The following BFAR variants were observed in gnomAD, a reference collection of about 807,000 sequenced individuals.
BFAR encodes bifunctional apoptosis regulator.
A neutral mutation model predicts 54.4 loss-of-function variants in BFAR; 52 were observed. The ratio of observed to expected loss-of-function variants is 0.96; its 90% CI spans 0.77 to 1.21. The LOEUF (loss-of-function observed/expected upper bound fraction) is 1.21. Ranked by LOEUF, BFAR falls within the 50% of genes most tolerant of loss-of-function variation. The pLI is 0.00. For missense variants in BFAR, 571 were observed against 534.0 expected (o/e 1.07, Z -0.68); for synonymous variants, 215 against 204.3 (o/e 1.05, Z -0.45).
In BFAR at chr16:14,639,778, T is replaced by C. The variant is rs1197952206; in HGVS notation, c.-73-4496T>C. Among the ~76,000 whole-genome samples the C allele has an allele frequency of 2.6e-5, 4 of 152,194 alleles. No homozygotes were observed. In the South Asian group the frequency reaches 6.2e-4, roughly 24 times the overall value. ...GTCATGTTGATTATATATCTTGGAA[T>C]TGTCCAGATCCTCAGAGATTATGAT... On this transcript the variant is annotated intron_variant, in intron 1 of 7. Transcript: ENST00000261658.
At chr16:14,649,045 T>G (rs1301100169) in intron 3 of BFAR, among the ~76,000 whole-genome samples, 2 of 151,744 alleles carry the variant, frequency 1.3e-5, no homozygotes, top group East Asian at 3.9e-4. Context: ...AATGTGTGAA[T>G]TTTATGTGGA....
chr16:14,634,948 G>A (rs986479342), intron 1 of BFAR, among the ~76,000 whole-genome samples: 2 of 152,208 alleles, frequency 1.3e-5, no homozygotes, highest in Non-Finnish European at 2.9e-5. Context: ...ACTTTCAAGT[G>A]ACAGTTGATT....
Position 14,649,894 on chromosome 16 carries a change from G to C in BFAR, c.559G>C (p.Val187Leu). 6.2e-7 allele frequency: 1 copy of C among 1,613,806 alleles called. No homozygotes were observed. Among genetic ancestry groups the C allele is most frequent in the Admixed American group, 1.7e-5 (1 of 59,970 alleles). The change falls in exon 4 of 8, where the codon GTT (valine) becomes CTT (leucine). Residue 187 changes from valine (V) to leucine (L), a missense_variant. Transcript: ENST00000261658. ...TGTGGCCAAATGGACGGCGGAAGAA[G>C]TTGTCCTCTGGCTGGAGCAGCTGGG... Reference protein sequence around the residue: ...KAVAKWTAEEVVLWLEQLGPW... With the variant: ...KAVAKWTAEELVLWLEQLGPW...
At chr16:14,635,876 C>T (rs538492158) in intron 1 of BFAR, among the ~76,000 whole-genome samples, 8 of 152,036 alleles carry the variant, frequency 5.3e-5, no homozygotes, top group Non-Finnish European at 1.0e-4. Context: ...TTGATCCACC[C>T]GCCTCGGCCT....
chr16:14,648,226 T>C (rs145500546), intron 2 of BFAR, among the ~76,000 whole-genome samples, 162 bp from the exon 3 acceptor site: 5 of 152,284 alleles, frequency 3.3e-5, no homozygotes, highest in African/African-American at 1.2e-4. Context: ...AATAGATTAT[T>C]TCAGATTTTT....
At chr16:14,637,203 G>A (rs1311168495) in intron 1 of BFAR, among the ~76,000 whole-genome samples, 2 of 151,630 alleles carry the variant, frequency 1.3e-5, no homozygotes, top group Admixed American at 1.3e-4. Flanking sequence ...ATGCTGTGTG[G>A]TCAAATGCTA....
chr16:14,647,172 C>T (rs1195718430), intron 2 of BFAR, among the ~76,000 whole-genome samples: 1 of 151,910 alleles, frequency 6.6e-6, no homozygotes, highest in Non-Finnish European at 1.5e-5. Flanking sequence ...GCAACCTCCT[C>T]CTCCCAGGTT....
At chr16:14,663,073 T>A (rs1340679240) in intron 6 of BFAR, among the ~76,000 whole-genome samples, 2 of 152,214 alleles carry the variant, frequency 1.3e-5, no homozygotes, top group Non-Finnish European at 2.9e-5. Flanking sequence ...ACATAACTGG[T>A]TAGGTCAGGG....
At chr16:14,658,733 AAAAAAAAAAAAGGAAAAC>A (rs1396788620) in intron 5 of BFAR, among the ~76,000 whole-genome samples, 1 of 143,412 alleles carries the variant, frequency 7.0e-6, no homozygotes, top group African/African-American at 2.6e-5. Context: ...ACTCCATCTG[AAAAAAAAAAAAGGAAAAC>A]CTTAATGAGG....
intron 4 of BFAR, among the ~76,000 whole-genome samples, chr16:14,654,583 C>G (rs1960069645): frequency 6.8e-6 from 1 of 147,272 alleles, no homozygotes; most frequent in South Asian, 2.2e-4. Context: ...TCTTAGCTCA[C>G]TGCAACCTCC....
At chr16:14,650,169 A>C (rs1309468677) in intron 4 of BFAR, 196 bp downstream of exon 4, 3 of 420,976 alleles carry the variant, frequency 7.1e-6, no homozygotes, top group Non-Finnish European at 1.2e-5. Context: ...TAAAAATACA[A>C]AAAAAAAAAA....
chr16:14,639,048 A>T (rs182977844), intron 1 of BFAR, among the ~76,000 whole-genome samples: 1 of 152,320 alleles, frequency 6.6e-6, no homozygotes, highest in African/African-American at 2.4e-5. Context: ...CTAAGTGTTA[A>T]TTGGACAGCT....
chr16:14,650,043 C>A, intron 4 of BFAR, 70 bp downstream of exon 4: 1 of 1,472,806 alleles, frequency 6.8e-7, no homozygotes, highest in South Asian at 1.4e-5. Context: ...ATAATCCAGG[C>A]CAGGCGCGGT....
chr16:14,663,038 A>G (rs1170469938), intron 6 of BFAR, among the ~76,000 whole-genome samples: 2 of 152,228 alleles, frequency 1.3e-5, no homozygotes, highest in Non-Finnish European at 2.9e-5. Context: ...GTGCTTTTCC[A>G]TACAATGTCT....
chr16:14,639,517 A>G (rs982054031), intron 1 of BFAR, among the ~76,000 whole-genome samples: 4 of 152,118 alleles, frequency 2.6e-5, no homozygotes, highest in African/African-American at 9.7e-5. Flanking sequence ...CACGTTGACC[A>G]GGCTTGTCTC....
At chr16:14,648,173 C>T (rs1959856854) in intron 2 of BFAR, among the ~76,000 whole-genome samples, 1 of 152,112 alleles carries the variant, frequency 6.6e-6, no homozygotes, top group Admixed American at 6.6e-5. Context: ...GAGTAAGACT[C>T]CGTCTCAAAA....
At chr16:14,645,951 C>T (rs1254907810) in intron 2 of BFAR, among the ~76,000 whole-genome samples, 1 of 152,196 alleles carries the variant, frequency 6.6e-6, no homozygotes, top group Non-Finnish European at 1.5e-5. Context: ...TCACTGCAAC[C>T]TCCACCTCCT....
chr16:14,643,445 A>G (rs1959687756), intron 1 of BFAR, among the ~76,000 whole-genome samples: 1 of 152,214 alleles, frequency 6.6e-6, no homozygotes. Context: ...CACTACACAT[A>G]TTATTTTGCT....
At chr16:14,649,767 C>T (rs1959912281) in intron 3 of BFAR, 37 bp from the exon 4 acceptor site, 3 of 1,536,392 alleles carry the variant, frequency 2.0e-6, no homozygotes, top group Non-Finnish European at 2.6e-6. Context: ...GCATCTCTGC[C>T]TCTCCATGGT....
Sources: gnomAD v4.1 joint callset for allele counts (sites outside exome capture counted in the v4.1 genomes callset) on GRCh38, gnomAD v4.1.1 for gene constraint, MANE v1.5 for transcripts, NCBI Gene and HGNC (gene_info 2026-07-23, HGNC 2026-07-21) for gene names.